The following CENPK variants were observed in gnomAD, a reference collection of about 807,000 sequenced individuals.
The protein encoded by CENPK is SoxLZ/Sox6-binding protein Solt.
In CENPK, 46 loss-of-function variants were observed where a neutral mutation model predicts 40.9. The observed-to-expected ratio is 1.13, with a 90% CI of 0.89 to 1.44. The LOEUF (loss-of-function observed/expected upper bound fraction) is 1.44, where lower values mean the gene tolerates loss of function less well. Ranked by LOEUF, CENPK falls within the 40% of genes most tolerant of loss-of-function variation. CENPK has a pLI of 0.00. For synonymous variants in CENPK, 107 were observed against 104.4 expected, an observed-to-expected ratio of 1.02 and a Z score of -0.15; for missense variants, 288 against 303.5, an observed-to-expected ratio of 0.95 and a Z score of 0.38.
At position 65,528,933 on chromosome 5, in the gene CENPK, T is replaced by A; in HGVS notation, c.456A>T (p.Thr152=). 1 of 1,557,270 alleles carries A rather than the reference T, an allele frequency of 6.4e-7. No homozygotes were observed. The change falls in exon 8 of 11, where the codon ACA becomes ACT. Residue 152 remains threonine, a synonymous_variant. Coordinates refer to ENST00000396679, the MANE Select transcript of CENPK (RefSeq NM_022145.5). ...LHSELKNKVE[T]FSESRIFNEL... ...AAAATTAATACCTTGATTCAGAAAATGTTTCAACCTTATTTTTCAATTCAC... is the reference window on the plus strand; with the variant it reads ...AAAATTAATACCTTGATTCAGAAAAAGTTTCAACCTTATTTTTCAATTCAC...
chr5:65,501,333 C>T, the CENPK span, among the ~76,000 whole-genome samples: 1 of 151,762 alleles, frequency 6.6e-6, no homozygotes, highest in Non-Finnish European at 1.5e-5. Context: ...CACCCACCAC[C>T]ACGCCCAGCT....
At chr5:65,535,194 T>C (rs1484379920) in intron 6 of CENPK, among the ~76,000 whole-genome samples, 2 of 150,858 alleles carry the variant, frequency 1.3e-5, no homozygotes, top group African/African-American at 4.9e-5. Flanking sequence ...ATGATGCCAC[T>C]GCAGTGCAGC....
intron 6 of CENPK, among the ~76,000 whole-genome samples, chr5:65,538,474 C>G (rs1010350979): frequency 1.3e-5 from 2 of 152,052 alleles, no homozygotes; most frequent in Non-Finnish European, 2.9e-5. Context: ...AGGCTATGTT[C>G]TTTTTTGATT....
chr5:65,558,166 A>AT (rs1162132221), intron 2 of CENPK, among the ~76,000 whole-genome samples: 1,529 of 151,616 alleles, frequency 0.01, 28 homozygotes, highest in African/African-American at 0.035. Context: ...ACACACACAC[A>AT]TTTTTTTTTC....
intron 6 of CENPK, among the ~76,000 whole-genome samples, chr5:65,535,588 C>T (rs562790833): frequency 6.6e-6 from 1 of 152,348 alleles, no homozygotes; most frequent in South Asian, 2.1e-4. Flanking sequence ...AAGTGAGATT[C>T]TCTGGCTGCC....
chr5:65,535,246 G>C (rs1359492866), intron 6 of CENPK, among the ~76,000 whole-genome samples: 1 of 150,966 alleles, frequency 6.6e-6, no homozygotes, highest in African/African-American at 2.4e-5. Flanking sequence ...GGAAGGGAGG[G>C]AGGGAGGGAG....
At chr5:65,505,932 C>A in the CENPK span, among the ~76,000 whole-genome samples, 2 of 152,198 alleles carry the variant, frequency 1.3e-5, no homozygotes, top group African/African-American at 2.4e-5. Context: ...TTTCAACTGT[C>A]TTTCAGTTCA....
chr5:65,511,692 C>G, the CENPK span, among the ~76,000 whole-genome samples: 1 of 152,194 alleles, frequency 6.6e-6, no homozygotes, highest in East Asian at 1.9e-4. Context: ...TAGATTCTTA[C>G]AGGAGCACAA....
At chr5:65,517,162 C>T (rs539460435), downstream of CENPK, among the ~76,000 whole-genome samples, 1 of 152,216 alleles carries the variant, frequency 6.6e-6, no homozygotes, top group South Asian at 2.1e-4. Flanking sequence ...TGGCTGGTCT[C>T]GAACTCCTGA....
intron 9 of CENPK, among the ~76,000 whole-genome samples, chr5:65,526,216 A>T (rs900221787): frequency 9.1e-5 from 5 of 54,752 alleles, no homozygotes; most frequent in Admixed American, 2.4e-4. Flanking sequence ...GTTGAAAAAA[A>T]TTTGAAAAAA....
chr5:65,540,832 G>A (rs910482490), intron 6 of CENPK, among the ~76,000 whole-genome samples: 2 of 147,944 alleles, frequency 1.4e-5, no homozygotes, highest in African/African-American at 2.5e-5. Context: ...TTTTGAGACA[G>A]GGTTTCACTC....
intron 5 of CENPK, among the ~76,000 whole-genome samples, chr5:65,546,023 G>A (rs1447371947): frequency 6.6e-6 from 1 of 152,272 alleles, no homozygotes; most frequent in East Asian, 1.9e-4. Flanking sequence ...CTCTATATAT[G>A]TATTTTTTAA....
chr5:65,545,394 A>T (rs2150473334), intron 5 of CENPK, among the ~76,000 whole-genome samples: 1 of 151,252 alleles, frequency 6.6e-6, no homozygotes, highest in Non-Finnish European at 1.5e-5. Flanking sequence ...CTTCTCTATA[A>T]AGCAAAACCG....
At chr5:65,549,934 T>TG (rs1400919567) in intron 5 of CENPK, among the ~76,000 whole-genome samples, 3 of 152,102 alleles carry the variant, frequency 2.0e-5, no homozygotes, top group Non-Finnish European at 4.4e-5. Flanking sequence ...TTTGGGAGAC[T>TG]GAAGCAGGTG....
chr5:65,553,037 T>C (rs183313641), intron 3 of CENPK, among the ~76,000 whole-genome samples: 1 of 152,268 alleles, frequency 6.6e-6, no homozygotes, highest in African/African-American at 2.4e-5. Context: ...AATGCAGCAT[T>C]TCTCTATACA....
intron 2 of CENPK, among the ~76,000 whole-genome samples, chr5:65,557,567 C>T (rs189755339): frequency 1.3e-5 from 2 of 152,194 alleles, no homozygotes; most frequent in Admixed American, 6.5e-5. Flanking sequence ...AGGAAAGGAA[C>T]TGAGGTTCCC....
intron 2 of CENPK, 58 bp downstream of exon 2, chr5:65,561,405 G>T (rs566501437): frequency 3.4e-5 from 13 of 381,462 alleles, no homozygotes; most frequent in South Asian, 2.4e-4. Flanking sequence ...CTGGCTTGGC[G>T]ATTTAATGTG....
At chr5:65,561,775 ATACTT>A (rs60858693) in intron 1 of CENPK, among the ~76,000 whole-genome samples, 89,482 of 151,396 alleles carry the variant, frequency 0.59, 26,744 homozygotes, top group Non-Finnish European at 0.62. Context: ...GGATAATACT[ATACTT>A]AAAGAAACTC....
chr5:65,504,685 A>C, the CENPK span, among the ~76,000 whole-genome samples: 2 of 152,170 alleles, frequency 1.3e-5, no homozygotes, highest in Non-Finnish European at 2.9e-5. Flanking sequence ...TTTTTAATTG[A>C]CTAGAGAGTT....
Sources: gnomAD v4.1 joint callset for allele counts (sites outside exome capture counted in the v4.1 genomes callset) on GRCh38, gnomAD v4.1.1 for gene constraint, MANE v1.5 for transcripts, NCBI Gene and HGNC (gene_info 2026-07-23, HGNC 2026-07-21) for gene names.